The following ARHGEF3 variants were observed in gnomAD, a reference collection of about 807,000 sequenced individuals.
ARHGEF3 encodes Rho guanine nucleotide exchange factor 3.
ARHGEF3 carries 28 observed loss-of-function variants against 63.2 expected under a neutral mutation model. The observed-to-expected ratio is 0.44, with a 90% CI of 0.33 to 0.61. ARHGEF3 has a LOEUF of 0.61. Among genes scored for constraint, ARHGEF3 ranks in the 20% least tolerant of loss-of-function variants. ARHGEF3 has a pLI of 0.03. For synonymous variants in ARHGEF3, 266 were observed against 254.2 expected (o/e 1.05, Z -0.44); for missense variants, 533 against 659.3 (o/e 0.81, Z 2.10).
At chr3:56,960,145 G>A (rs1029448114) in intron 2 of ARHGEF3, among the ~76,000 whole-genome samples, 4 of 149,074 alleles carry the variant, frequency 2.7e-5, no homozygotes, top group African/African-American at 9.7e-5. Flanking sequence ...ATACAAAAGA[G>A]ATAAAATACA....
chr3:57,073,436 C>G, intron 1 of ARHGEF3: 1 of 435,380 alleles, frequency 2.3e-6, no homozygotes, highest in Non-Finnish European at 4.0e-6. Flanking sequence ...AGTGGACAAG[C>G]GTGAAAGAGC....
intron 6 of ARHGEF3, among the ~76,000 whole-genome samples, chr3:56,747,955 A>G (rs1485291490): frequency 1.3e-5 from 2 of 152,180 alleles, no homozygotes; most frequent in African/African-American, 4.8e-5. Flanking sequence ...TCCCTTAATG[A>G]GGTAAAGCAT....
rs11391422 is a variant in ARHGEF3 at position 56,819,511 on chromosome 3, GT to G, written c.193-45696del. ...ATTAACCATGTTCTACCAGGTGGCA[GT>G]TTTTTTTTTTTTTTTTAAAGACAGA... On this transcript the variant is annotated intron_variant, in intron 4 of 12. Coordinates refer to the ARHGEF3 transcript ENST00000338458. 5.8e-3 allele frequency among the ~76,000 whole-genome samples: 802 copies of G among 138,422 alleles called. 3 individuals are homozygous for G. The highest frequency in any genetic ancestry group is 0.043 in the East Asian group (207 of 4,786). 90.8% of individuals were successfully genotyped at this position (138,422 alleles called of 152,430 possible).
intron 4 of ARHGEF3, among the ~76,000 whole-genome samples, chr3:56,861,390 G>C (rs2040067035): frequency 6.6e-6 from 1 of 152,148 alleles, no homozygotes; most frequent in South Asian, 2.1e-4. Context: ...TATCATCTAG[G>C]TTTGGTAGAA....
At chr3:56,817,396 C>CA (rs2038313471) in intron 4 of ARHGEF3, among the ~76,000 whole-genome samples, 1 of 152,190 alleles carries the variant, frequency 6.6e-6, no homozygotes, top group Admixed American at 6.5e-5. Context: ...CTCTGAAACT[C>CA]AGATTTTTAA....
At chr3:56,975,823 TA>T (rs200988099) in intron 2 of ARHGEF3, 658 of 402,202 alleles carry the variant, frequency 1.6e-3, no homozygotes, top group East Asian at 3.2e-3. Context: ...TAACAGGACT[TA>T]AAAAAAAATA....
intron 2 of ARHGEF3, among the ~76,000 whole-genome samples, chr3:56,971,217 T>C (rs551632407): frequency 1.3e-5 from 2 of 152,200 alleles, no homozygotes; most frequent in South Asian, 2.1e-4. Context: ...GAATACAACA[T>C]ATGCACTTCA....
rs771962726 is a variant in ARHGEF3 at position 56,732,460 on chromosome 3, A to G, written c.1042-36T>C. On this transcript the variant is annotated intron_variant, in intron 8 of 9. Coordinates refer to ENST00000296315, the MANE Select transcript of ARHGEF3 (RefSeq NM_019555.3). ...AAAATCCACAAGCTTTCATTAAGCA[A>G]TAATGTAATGAGTGGTTGATATGTG... 8.1e-6 allele frequency: 13 copies of G among 1,608,624 alleles called. 1 individual carries two copies. The Admixed American group carries it at 2.2e-4, about 27-fold the overall frequency.
At chr3:56,935,702 C>T (rs1005439025) in intron 3 of ARHGEF3, among the ~76,000 whole-genome samples, 8 of 151,996 alleles carry the variant, frequency 5.3e-5, no homozygotes, top group Admixed American at 2.0e-4. Flanking sequence ...GAAGAAACTC[C>T]GAACACATCT....
At chr3:56,979,362 T>G (rs1327779956) in intron 2 of ARHGEF3, among the ~76,000 whole-genome samples, 1 of 152,198 alleles carries the variant, frequency 6.6e-6, no homozygotes, top group Non-Finnish European at 1.5e-5. Flanking sequence ...TTGGGACAGG[T>G]TCACAGTGTT....
chr3:56,868,870 T>C (rs2040342864), intron 4 of ARHGEF3, among the ~76,000 whole-genome samples: 1 of 152,054 alleles, frequency 6.6e-6, no homozygotes, highest in South Asian at 2.1e-4. Flanking sequence ...GATGAATGAG[T>C]CTTAAGTTTA....
chr3:57,011,478 G>C (rs983724348), intron 2 of ARHGEF3, among the ~76,000 whole-genome samples: 1 of 152,160 alleles, frequency 6.6e-6, no homozygotes, highest in Admixed American at 6.5e-5. Context: ...ACAAGGGAGT[G>C]GGGTGAGGTG....
chr3:56,801,220 G>A (rs951536410), intron 1 of ARHGEF3, among the ~76,000 whole-genome samples: 4 of 152,258 alleles, frequency 2.6e-5, no homozygotes, highest in Non-Finnish European at 4.4e-5. Context: ...CCAAAGGGCT[G>A]CAAGGCCAAG....
intron 1 of ARHGEF3, among the ~76,000 whole-genome samples, chr3:57,037,895 AC>A (rs1264296221): frequency 1.9e-4 from 28 of 150,882 alleles, no homozygotes; most frequent in African/African-American, 5.6e-4. Context: ...ACAAAACAAA[AC>A]AAAACAAAAC....
At chr3:56,829,927 C>G (rs1181511357) in intron 4 of ARHGEF3, among the ~76,000 whole-genome samples, 1 of 152,176 alleles carries the variant, frequency 6.6e-6, no homozygotes, top group East Asian at 1.9e-4. Context: ...TTATACCAGT[C>G]CCCAAATAAT....
chr3:56,816,496 G>A (rs542056393), intron 4 of ARHGEF3, among the ~76,000 whole-genome samples: 7 of 152,176 alleles, frequency 4.6e-5, no homozygotes, highest in African/African-American at 1.2e-4. Context: ...TAGATTGTAC[G>A]CTCCAAAAGA....
chr3:57,074,427 G>C lies in ARHGEF3; in HGVS notation c.-28+4799C>G. ...ATCACTTTTTCCAAGAAGCCTCCCT[G>C]TCACACTTCCCCAATATCACAGATG... On this transcript the variant is annotated intron_variant, in intron 1 of 12. Coordinates refer to the ARHGEF3 transcript ENST00000338458. 5 of 639,282 alleles carry C rather than the reference G, an allele frequency of 7.8e-6. No individual in the cohort carries two copies. In the South Asian group the frequency reaches 9.9e-5, roughly 13 times the overall value. The allele number at this position is 639,282 out of a possible 1,614,324, so 39.6% of individuals were successfully genotyped here. A position where few individuals can be genotyped will look rare whatever the true frequency, so the allele number is the denominator to read the frequency against.
chr3:56,737,245 G>C lies in ARHGEF3; in HGVS notation c.981C>G (p.Ser327=). 6.2e-7 allele frequency: 1 copy of C among 1,614,004 alleles called. No homozygotes were observed. The highest frequency in any genetic ancestry group is 8.5e-7 in the Non-Finnish European group (1 of 1,179,950). The change falls in exon 8 of 10, where the codon TCC becomes TCG. Residue 327 remains serine (S), a synonymous_variant. Coordinates refer to ENST00000296315, the MANE Select transcript of ARHGEF3 (RefSeq NM_019555.3). ...ACAAGACTCGAGAGCTGTCGATCAG[G>C]GAGTCTTTCTGGCCTTCTTCCAAGT... ...LLYLEEGQKD[S]LIDSSRVLCC...
chr3:56,966,422 T>C (rs1026919413), intron 2 of ARHGEF3, among the ~76,000 whole-genome samples: 8 of 152,252 alleles, frequency 5.3e-5, no homozygotes, highest in Non-Finnish European at 1.0e-4. Flanking sequence ...ATTATGTATT[T>C]CTTAGTCTTT....
Sources: allele counts gnomAD v4.1 joint callset (sites outside exome capture counted in the v4.1 genomes callset), GRCh38; gene constraint gnomAD v4.1.1; transcripts MANE v1.5; gene names NCBI Gene and HGNC (gene_info 2026-07-23, HGNC 2026-07-21).